The following GTF2H1 variants were observed in gnomAD, a reference collection of about 807,000 sequenced individuals.
GTF2H1 encodes the protein BTF2 p62.
In GTF2H1, 16 loss-of-function variants were observed where a neutral mutation model predicts 71.2. The observed-to-expected ratio is 0.22, with a 90% CI of 0.15 to 0.34. The LOEUF is 0.34. Among genes scored for constraint, GTF2H1 ranks in the 10% least tolerant of loss-of-function variants. The pLI, the probability that GTF2H1 is intolerant of heterozygous loss-of-function variation, is 1.00. For synonymous variants in GTF2H1, 215 were observed against 219.0 expected, an observed-to-expected ratio of 0.98 and a Z score of 0.16; for missense variants, 498 against 648.2, an observed-to-expected ratio of 0.77 and a Z score of 2.52.
intron 7 of GTF2H1, among the ~76,000 whole-genome samples, chr11:18,342,378 C>T (rs1865181523): frequency 6.6e-6 from 1 of 151,044 alleles, no homozygotes; most frequent in Non-Finnish European, 1.5e-5. Flanking sequence ...TCTCCTGCCT[C>T]AGCCTCCCAA....
intron 11 of GTF2H1, among the ~76,000 whole-genome samples, chr11:18,353,523 T>C (rs1222122538): frequency 6.6e-6 from 1 of 152,222 alleles, no homozygotes; most frequent in Non-Finnish European, 1.5e-5. Flanking sequence ...TCTTTCTCTT[T>C]AGAATTCCCT....
At chr11:18,345,238 C>T (rs898282886) in intron 7 of GTF2H1, among the ~76,000 whole-genome samples, 3 of 151,962 alleles carry the variant, frequency 2.0e-5, no homozygotes, top group Admixed American at 6.6e-5. Context: ...TAAAAAGTTG[C>T]GTGCTTCAGA....
chr11:18,355,800 T>C (rs1865531208), intron 11 of GTF2H1, among the ~76,000 whole-genome samples: 1 of 152,186 alleles, frequency 6.6e-6, no homozygotes, highest in Non-Finnish European at 1.5e-5. Context: ...TTTTTAAGTC[T>C]GCTATTCTAC....
At chr11:18,347,306 G>A (rs7948195) in intron 7 of GTF2H1, 5,078 of 208,856 alleles carry the variant, frequency 0.024, 269 homozygotes, top group African/African-American at 0.11. Context: ...TGCAGGAGGC[G>A]AAGGTTGCAC....
chr11:18,327,261 T>C (rs1433707857), intron 1 of GTF2H1, among the ~76,000 whole-genome samples: 1 of 149,940 alleles, frequency 6.7e-6, no homozygotes. Context: ...TAATAACTGC[T>C]CTAGTATAAA....
intron 7 of GTF2H1, among the ~76,000 whole-genome samples, chr11:18,346,381 C>T (rs527661013): frequency 1.2e-4 from 19 of 152,222 alleles, no homozygotes; most frequent in East Asian, 7.7e-4. Context: ...TTATTGTCTC[C>T]GATCTACTTG....
At chr11:18,352,797 CTTTG>C (rs1222910183) in intron 11 of GTF2H1, among the ~76,000 whole-genome samples, 4 of 152,192 alleles carry the variant, frequency 2.6e-5, no homozygotes, top group African/African-American at 7.2e-5. Flanking sequence ...CATCATTGTT[CTTTG>C]TTTCTCTTCG....
chr11:18,323,596 T>C (rs948437482), intron 1 of GTF2H1, among the ~76,000 whole-genome samples: 1 of 152,206 alleles, frequency 6.6e-6, no homozygotes, highest in Admixed American at 6.5e-5. Flanking sequence ...GAATGAAATG[T>C]GCTTTGCAGT....
At chr11:18,336,220 A>T (rs1189883243) in intron 3 of GTF2H1, among the ~76,000 whole-genome samples, 2 of 151,880 alleles carry the variant, frequency 1.3e-5, no homozygotes, top group Non-Finnish European at 2.9e-5. Flanking sequence ...TCCACCTCCC[A>T]GGTTCAAGCA....
Position 18,366,848 on chromosome 11 carries a change from C to T in GTF2H1, c.*979C>T, listed in dbSNP as rs1441815228. ...TCTCTAGTATTTGACTGTTACTGTC[C>T]TTGGCGAATCGATAATCATTGCATA... On this transcript the variant is annotated 3_prime_UTR_variant, in exon 15 of 15. Transcript: ENST00000265963. The T allele has an allele frequency of 1.3e-5, 2 of 148,170 alleles. No homozygotes were observed. Among genetic ancestry groups the T allele is most frequent in the African/African-American group, 5.0e-5 (2 of 40,234 alleles). 9.2% of individuals were successfully genotyped at this position (148,170 alleles called of 1,614,324 possible). A position where few individuals can be genotyped will look rare whatever the true frequency, so the allele number is the denominator to read the frequency against.
chr11:18,361,451 G>A (rs947096998), intron 14 of GTF2H1, among the ~76,000 whole-genome samples: 1 of 152,130 alleles, frequency 6.6e-6, no homozygotes, highest in Non-Finnish European at 1.5e-5. Flanking sequence ...CTGATCACTT[G>A]AGGTCAGGAG....
At chr11:18,343,312 G>C (rs1206706616) in intron 7 of GTF2H1, among the ~76,000 whole-genome samples, 1 of 152,220 alleles carries the variant, frequency 6.6e-6, no homozygotes, top group Non-Finnish European at 1.5e-5. Flanking sequence ...AAAGAGCCTA[G>C]TGCGTAATAA....
At chr11:18,363,207 A>G (rs956288296) in intron 14 of GTF2H1, among the ~76,000 whole-genome samples, 2 of 152,166 alleles carry the variant, frequency 1.3e-5, no homozygotes, top group Non-Finnish European at 2.9e-5. Context: ...CGGCTATTTT[A>G]CAGTTAACTT....
intron 11 of GTF2H1, among the ~76,000 whole-genome samples, chr11:18,356,157 G>A (rs144440474): frequency 3.3e-5 from 5 of 152,136 alleles, no homozygotes; most frequent in Admixed American, 2.0e-4. Context: ...GCCGAGGCAC[G>A]CAGATCACTT....
At chr11:18,332,111 AG>A (rs1864914047) in intron 1 of GTF2H1, among the ~76,000 whole-genome samples, 1 of 152,130 alleles carries the variant, frequency 6.6e-6, no homozygotes, top group East Asian at 1.9e-4. Context: ...TACAGGTGTA[AG>A]CCACATCACT....
chr11:18,327,130 CTA>C (rs1311201431), intron 1 of GTF2H1, among the ~76,000 whole-genome samples: 1 of 152,086 alleles, frequency 6.6e-6, no homozygotes, highest in Non-Finnish European at 1.5e-5. Context: ...TTAAAATAAA[CTA>C]TTGAAAATAG....
At chr11:18,352,173 T>C in intron 10 of GTF2H1, 156 bp from the exon 11 acceptor site, 1 of 638,006 alleles carries the variant, frequency 1.6e-6, no homozygotes, top group East Asian at 2.6e-5. Flanking sequence ...GCTTTCTTAT[T>C]GCCCTTATGG....
chr11:18,356,239 A>T (rs574558442), intron 11 of GTF2H1, among the ~76,000 whole-genome samples: 1 of 152,162 alleles, frequency 6.6e-6, no homozygotes, highest in South Asian at 2.1e-4. Flanking sequence ...TTAACTGGGT[A>T]TGGTGGTGCG....
At chr11:18,362,693 T>TG (rs1423864273) in intron 14 of GTF2H1, among the ~76,000 whole-genome samples, 1 of 139,328 alleles carries the variant, frequency 7.2e-6, no homozygotes, top group East Asian at 2.0e-4. Context: ...TTTTTTGAGA[T>TG]GGAGTCTAGT....
Sources: gnomAD v4.1 joint callset for allele counts (sites outside exome capture counted in the v4.1 genomes callset) on GRCh38, gnomAD v4.1.1 for gene constraint, MANE v1.5 for transcripts, NCBI Gene and HGNC (gene_info 2026-07-23, HGNC 2026-07-21) for gene names.